AGMO: variants seen among roughly 807,000 people sequenced by gnomAD.
The protein encoded by AGMO is alkylglycerol monooxygenase, also known as glyceryl-ether monooxygenase.
A neutral mutation model predicts 60.2 loss-of-function variants in AGMO; 75 were observed. The observed-to-expected ratio is 1.25, with a 90% CI of 1.03 to 1.51. AGMO has a LOEUF of 1.51. Ranked by LOEUF, AGMO falls within the 40% of genes most tolerant of loss-of-function variation. The probability of loss-of-function intolerance (pLI) is 0.00; values close to 1 mark genes in which losing one functional copy is unlikely to be tolerated. For synonymous variants in AGMO, 261 were observed against 177.1 expected, an observed-to-expected ratio of 1.47 and a Z score of -3.76; for missense variants, 763 against 525.5, an observed-to-expected ratio of 1.45 and a Z score of -4.42.
intron 2 of AGMO, among the ~76,000 whole-genome samples, chr7:15,550,238 A>G (rs1439740276): frequency 2.0e-5 from 3 of 151,160 alleles, no homozygotes; most frequent in Non-Finnish European, 4.4e-5. Flanking sequence ...TTGACACCCT[A>G]ACATCACAAT....
At chr7:15,433,878 C>T (rs1781325882) in intron 3 of AGMO, among the ~76,000 whole-genome samples, 1 of 151,920 alleles carries the variant, frequency 6.6e-6, no homozygotes, top group Non-Finnish European at 1.5e-5. Context: ...TATTGGCCAA[C>T]ACTTCCATTC....
chr7:15,502,152 T>C (rs1173601267), intron 3 of AGMO, among the ~76,000 whole-genome samples: 1 of 152,042 alleles, frequency 6.6e-6, no homozygotes, highest in Non-Finnish European at 1.5e-5. Context: ...ATCTCAGTGT[T>C]CTATGATTGA....
At chr7:15,459,134 A>G (rs1212631501) in intron 3 of AGMO, among the ~76,000 whole-genome samples, 1 of 152,052 alleles carries the variant, frequency 6.6e-6, no homozygotes, top group Non-Finnish European at 1.5e-5. Flanking sequence ...TTGAAACTTC[A>G]GTTCTAGCAC....
intron 12 of AGMO, among the ~76,000 whole-genome samples, chr7:15,266,867 AAAAT>A (rs200627843): frequency 0.012 from 1,841 of 152,086 alleles, 49 homozygotes; most frequent in African/African-American, 0.042. Flanking sequence ...TTACAGAAAC[AAAAT>A]AAAGGACCTA....
chr7:15,255,697 A>C (rs1206443268), intron 12 of AGMO, among the ~76,000 whole-genome samples: 1 of 152,226 alleles, frequency 6.6e-6, no homozygotes, highest in Non-Finnish European at 1.5e-5. Flanking sequence ...GAGACGCATA[A>C]ATGGTTAAAT....
In AGMO at chr7:15,344,925, T is replaced by C. The variant is rs374371077; in HGVS notation, c.1263+20589A>G. ...TCTCCCTGTGGAGACTGTTGTTTTC[T>C]TGAGATGCAAAGAATGAGAACAATT... On this transcript the variant is annotated intron_variant, in intron 12 of 12. Coordinates refer to ENST00000342526, the MANE Select transcript of AGMO (RefSeq NM_001004320.2). Among the ~76,000 whole-genome samples, 33 of 152,340 alleles carry C rather than the reference T, an allele frequency of 2.2e-4. 1 individual carries two copies. Among genetic ancestry groups the C allele is most frequent in the African/African-American group, 7.9e-4 (33 of 41,574 alleles).
chr7:15,365,380 T>TTAAAAA (rs1311387207), intron 12 of AGMO, 134 bp downstream of exon 12: 1 of 210,468 alleles, frequency 4.8e-6, no homozygotes, highest in African/African-American at 5.9e-5. Flanking sequence ...TACTGGTAAG[T>TTAAAAA]AAAAAAAAAA....
intron 12 of AGMO, among the ~76,000 whole-genome samples, chr7:15,300,605 T>G (rs1784538354): frequency 6.6e-6 from 1 of 152,222 alleles, no homozygotes; most frequent in South Asian, 2.1e-4. Context: ...TTTTTCTTCT[T>G]GCTGGTATCA....
At chr7:15,534,239 A>G (rs971978876) in intron 3 of AGMO, among the ~76,000 whole-genome samples, 2 of 152,068 alleles carry the variant, frequency 1.3e-5, no homozygotes, top group Non-Finnish European at 2.9e-5. Context: ...TTTAATTAAG[A>G]TGAAAGGACA....
At chr7:15,347,498 C>A (rs1782075134) in intron 12 of AGMO, among the ~76,000 whole-genome samples, 1 of 151,960 alleles carries the variant, frequency 6.6e-6, no homozygotes, top group Admixed American at 6.6e-5. Context: ...ATGATCTTAT[C>A]TGTCTCCTCT....
At chr7:15,133,427 G>A in the AGMO span, among the ~76,000 whole-genome samples, 5 of 152,092 alleles carry the variant, frequency 3.3e-5, no homozygotes, top group Non-Finnish European at 5.9e-5. Flanking sequence ...GTTATTGTAC[G>A]GATCATGGAC....
chr7:15,203,507 G>GTT (rs1388916088), intron 12 of AGMO, among the ~76,000 whole-genome samples: 2 of 140,250 alleles, frequency 1.4e-5, no homozygotes, highest in Non-Finnish European at 3.2e-5. Context: ...CTTTTTTTTT[G>GTT]TTTTTTTTTT....
intron 10 of AGMO, among the ~76,000 whole-genome samples, chr7:15,382,769 GAGC>G (rs1354809554): frequency 6.6e-6 from 1 of 152,088 alleles, no homozygotes; most frequent in East Asian, 1.9e-4. Flanking sequence ...TGTTTTTTTA[GAGC>G]AGAAGACACC....
chr7:15,118,415 G>A, the AGMO span, among the ~76,000 whole-genome samples: 50,855 of 151,670 alleles, frequency 0.34, 10,430 homozygotes, highest in East Asian at 0.68. Context: ...ATTCTCCAGG[G>A]AGCAATTTTT....
At chr7:15,242,408 T>A (rs1343230855) in intron 12 of AGMO, among the ~76,000 whole-genome samples, 1 of 152,154 alleles carries the variant, frequency 6.6e-6, no homozygotes, top group Non-Finnish European at 1.5e-5. Flanking sequence ...TAGGGTAAAA[T>A]TGGGCTTATT....
chr7:15,493,365 C>CTT (rs71004387), intron 3 of AGMO, among the ~76,000 whole-genome samples: 1,384 of 66,608 alleles, frequency 0.021, 205 homozygotes, highest in African/African-American at 0.03. Context: ...ACACACACTT[C>CTT]TTTTTTTTTT....
intron 6 of AGMO, among the ~76,000 whole-genome samples, chr7:15,393,410 T>C (rs1182810730): frequency 6.6e-6 from 1 of 152,250 alleles, no homozygotes. Flanking sequence ...TAGCAATGGT[T>C]TGGGCATTTT....
chr7:15,304,728 T>G (rs1342666650), intron 12 of AGMO, among the ~76,000 whole-genome samples: 1 of 152,080 alleles, frequency 6.6e-6, no homozygotes, highest in Non-Finnish European at 1.5e-5. Flanking sequence ...TAGGATGTTG[T>G]CTGCATGAAT....
chr7:15,221,705 T>C (rs1412258754), intron 12 of AGMO, among the ~76,000 whole-genome samples: 1 of 152,152 alleles, frequency 6.6e-6, no homozygotes, highest in East Asian at 1.9e-4. Flanking sequence ...ATTGTTCAAA[T>C]GAATGTTAAA....
Sources: allele counts gnomAD v4.1 joint callset (sites outside exome capture counted in the v4.1 genomes callset), GRCh38; gene constraint gnomAD v4.1.1; transcripts MANE v1.5; gene names NCBI Gene and HGNC (gene_info 2026-07-23, HGNC 2026-07-21).